ANO3: variants seen among roughly 807,000 people sequenced by gnomAD.
ANO3 encodes the protein anoctamin-3.
In ANO3, 99 loss-of-function variants were observed where a neutral mutation model predicts 144.8. The ratio of observed to expected loss-of-function variants is 0.68; its 90% CI spans 0.58 to 0.81. The LOEUF is 0.81. Ranked by LOEUF, ANO3 falls within the 30% of genes least tolerant of loss-of-function variation. The probability of loss-of-function intolerance (pLI) is 0.00; values close to 1 mark genes in which losing one functional copy is unlikely to be tolerated. For missense variants in ANO3, 905 were observed against 1,202.2 expected, an observed-to-expected ratio of 0.75 and a Z score of 3.66; for synonymous variants, 414 against 392.6, an observed-to-expected ratio of 1.05 and a Z score of -0.64.
At chr11:26,276,987 G>A (rs1460045763) in intron 1 of ANO3, among the ~76,000 whole-genome samples, 2 of 152,078 alleles carry the variant, frequency 1.3e-5, no homozygotes, top group African/African-American at 4.8e-5. Context: ...CAGTTGTGTG[G>A]TATCTAATCA....
chr11:26,309,795 T>A, intron 1 of ANO3: 2 of 701,276 alleles, frequency 2.9e-6, no homozygotes, highest in Non-Finnish European at 3.4e-6. Flanking sequence ...AACTCCAGAG[T>A]CTTTACAGGG....
At chr11:26,623,273 G>T (rs1170032909) in intron 17 of ANO3, among the ~76,000 whole-genome samples, 1 of 152,082 alleles carries the variant, frequency 6.6e-6, no homozygotes, top group East Asian at 1.9e-4. Flanking sequence ...TCAGAGAAGG[G>T]GAACAACTTT....
At chr11:26,522,846 T>G (rs1456413388) in intron 6 of ANO3, among the ~76,000 whole-genome samples, 1 of 152,012 alleles carries the variant, frequency 6.6e-6, no homozygotes, top group African/African-American at 2.4e-5. Flanking sequence ...TCACTAAAAT[T>G]TATAAAGACA....
At chr11:26,277,056 G>T (rs776697269) in intron 1 of ANO3, among the ~76,000 whole-genome samples, 1 of 151,988 alleles carries the variant, frequency 6.6e-6, no homozygotes, top group Non-Finnish European at 1.5e-5. Context: ...GCAGGAATTT[G>T]GTTCTACCTT....
chr11:26,233,344 T>G (rs12223119), intron 1 of ANO3, among the ~76,000 whole-genome samples: 1 of 151,998 alleles, frequency 6.6e-6, no homozygotes, highest in African/African-American at 2.4e-5. Context: ...TGAAAAAAAG[T>G]TCATCATCAC....
At chr11:26,441,160 C>T (rs1858505255) in intron 1 of ANO3, among the ~76,000 whole-genome samples, 1 of 132,074 alleles carries the variant, frequency 7.6e-6, no homozygotes, top group African/African-American at 2.9e-5. Flanking sequence ...CTCTGTCGCC[C>T]AGGCTGGAGT....
chr11:26,384,642 C>T (rs1470174484), intron 1 of ANO3, among the ~76,000 whole-genome samples: 1 of 152,122 alleles, frequency 6.6e-6, no homozygotes, highest in African/African-American at 2.4e-5. Flanking sequence ...AAACATATGC[C>T]ACATCTTTCC....
Position 26,508,091 on chromosome 11 carries a change from G to T in ANO3, c.433-13G>T. ...CTAACCCACACCATTAACAATCATT[G>T]CTTTATTTGCAGAATGACATGAATT... On this transcript the variant is annotated splice_polypyrimidine_tract_variant and intron_variant, in intron 4 of 26. Coordinates refer to ENST00000256737, the MANE Select transcript of ANO3 (RefSeq NM_031418.4). 2.5e-6 allele frequency: 4 copies of T among 1,568,684 alleles called. No homozygotes were observed. Among genetic ancestry groups the T allele is most frequent in the Non-Finnish European group, 3.4e-6 (4 of 1,165,212 alleles).
chr11:26,467,469 C>T (rs1859639748), intron 4 of ANO3, among the ~76,000 whole-genome samples: 1 of 151,834 alleles, frequency 6.6e-6, no homozygotes, highest in South Asian at 2.1e-4. Flanking sequence ...CATCATTCTA[C>T]TTTCTATCTC....
chr11:26,367,269 C>T (rs1856119502), intron 1 of ANO3, among the ~76,000 whole-genome samples: 1 of 152,198 alleles, frequency 6.6e-6, no homozygotes, highest in African/African-American at 2.4e-5. Flanking sequence ...TCTTCTTCCA[C>T]CAGATGCCCT....
chr11:26,200,444 C>T (rs1590189788), intron 1 of ANO3, among the ~76,000 whole-genome samples: 1 of 152,096 alleles, frequency 6.6e-6, no homozygotes, highest in Admixed American at 6.6e-5. Context: ...GCTATGTCTG[C>T]TTATCTGTAT....
At chr11:26,192,280 T>G (rs995887879) in intron 1 of ANO3, among the ~76,000 whole-genome samples, 2 of 152,208 alleles carry the variant, frequency 1.3e-5, no homozygotes, top group African/African-American at 4.8e-5. Flanking sequence ...GTTTTATTTA[T>G]TCATTCATAA....
chr11:26,273,840 A>G (rs527435353), intron 1 of ANO3, among the ~76,000 whole-genome samples: 15 of 152,290 alleles, frequency 9.8e-5, no homozygotes, highest in African/African-American at 3.6e-4. Context: ...AAGCAGTGTC[A>G]GAAAACAAAT....
intron 14 of ANO3, among the ~76,000 whole-genome samples, chr11:26,587,358 ACC>A (rs1336831984): frequency 2.0e-5 from 3 of 152,148 alleles, no homozygotes; most frequent in Admixed American, 6.5e-5. Flanking sequence ...CCATTTACAT[ACC>A]TGAGAGAACC....
At chr11:26,284,216 A>C (rs1283815239) in intron 1 of ANO3, among the ~76,000 whole-genome samples, 1 of 152,146 alleles carries the variant, frequency 6.6e-6, no homozygotes, top group African/African-American at 2.4e-5. Flanking sequence ...AAAACAAGAG[A>C]AGGAAGCAGA....
intron 1 of ANO3, among the ~76,000 whole-genome samples, chr11:26,291,708 C>G (rs1247271310): frequency 6.6e-6 from 1 of 152,158 alleles, no homozygotes; most frequent in East Asian, 1.9e-4. Context: ...GTTGAAATTT[C>G]TTTTCTTTAA....
chr11:26,493,508 G>C (rs1236367274), intron 4 of ANO3, among the ~76,000 whole-genome samples: 2 of 152,192 alleles, frequency 1.3e-5, no homozygotes, highest in Non-Finnish European at 2.9e-5. Flanking sequence ...ATGCACATCA[G>C]TCCATCAGCA....
chr11:26,380,654 A>G (rs1050917804), intron 1 of ANO3, among the ~76,000 whole-genome samples: 2 of 152,172 alleles, frequency 1.3e-5, no homozygotes, highest in African/African-American at 2.4e-5. Context: ...GTTTTAACAT[A>G]TGAATTTTCA....
chr11:26,451,458 T>C (rs1347816258), intron 3 of ANO3, among the ~76,000 whole-genome samples: 1 of 152,204 alleles, frequency 6.6e-6, no homozygotes, highest in Non-Finnish European at 1.5e-5. Flanking sequence ...CGGAGGGTCC[T>C]ACGCCCACGG....
Sources: gnomAD v4.1 joint callset for allele counts (sites outside exome capture counted in the v4.1 genomes callset) on GRCh38, gnomAD v4.1.1 for gene constraint, MANE v1.5 for transcripts, NCBI Gene and HGNC (gene_info 2026-07-23, HGNC 2026-07-21) for gene names.